The following OTUD3 variants were observed in gnomAD, a reference collection of about 807,000 sequenced individuals.
The protein encoded by OTUD3 is OTU domain-containing protein 3.
In OTUD3, 24 loss-of-function variants were observed where a neutral mutation model predicts 46.2. The ratio of observed to expected loss-of-function variants is 0.52; its 90% CI spans 0.38 to 0.73. The LOEUF (loss-of-function observed/expected upper bound fraction) is 0.73, where lower values mean the gene tolerates loss of function less well. Ranked by LOEUF, OTUD3 falls within the 30% of genes least tolerant of loss-of-function variation. OTUD3 has a pLI of 0.00. For missense variants in OTUD3, 455 were observed against 523.3 expected (o/e 0.87, Z 1.27); for synonymous variants, 189 against 195.4 (o/e 0.97, Z 0.27).
chr1:19,900,673 A>T (rs1455357680), intron 4 of OTUD3, among the ~76,000 whole-genome samples: 1 of 152,174 alleles, frequency 6.6e-6, no homozygotes, highest in African/African-American at 2.4e-5. Flanking sequence ...TCCATATACT[A>T]AATTCCCATA....
intron 1 of OTUD3, among the ~76,000 whole-genome samples, chr1:19,885,985 A>G (rs912657616): frequency 2.0e-5 from 3 of 152,208 alleles, no homozygotes; most frequent in African/African-American, 7.2e-5. Flanking sequence ...ATCCTGTAAT[A>G]CAGCCTTTAC....
intron 7 of OTUD3, 40 bp from the exon 8 acceptor site, chr1:19,907,530 C>A: frequency 6.3e-7 from 1 of 1,598,598 alleles, no homozygotes. Context: ...AGCTTGAGTC[C>A]CCCGTGCTTC....
chr1:19,884,964 TA>T (rs572588119), intron 1 of OTUD3, among the ~76,000 whole-genome samples: 158 of 152,312 alleles, frequency 1.0e-3, no homozygotes, highest in African/African-American at 3.6e-3. Context: ...GTTCATTCGG[TA>T]AATACTCATT....
At chr1:19,904,235 A>C in intron 4 of OTUD3, 32 bp from the exon 5 acceptor site, 1 of 1,541,286 alleles carries the variant, frequency 6.5e-7, no homozygotes, top group Non-Finnish European at 8.8e-7. Context: ...GATTCTCAAC[A>C]TAGTTCCCTG....
intron 1 of OTUD3, among the ~76,000 whole-genome samples, chr1:19,886,988 G>T (rs950030154): frequency 2.5e-4 from 38 of 151,800 alleles, no homozygotes; most frequent in African/African-American, 9.0e-4. Flanking sequence ...ACTAATTTTA[G>T]TATATTTTAT....
In OTUD3 at chr1:19,910,216, A is replaced by G. The variant is rs2045717939; in HGVS notation, c.*2470A>G. The G allele has an allele frequency of 6.6e-6, 1 of 152,318 alleles. No homozygotes were observed. The highest frequency in any genetic ancestry group is 1.5e-5 in the Non-Finnish European group (1 of 68,040). 9.4% of individuals were successfully genotyped at this position (152,318 alleles called of 1,614,324 possible). ...GTACAGGTGCTCCTGTGAACTCTTT[A>G]TTAGGAACTGAATGTGTCTTAACCT... is the stretch of plus-strand genomic sequence containing the variant. On this transcript the variant is annotated 3_prime_UTR_variant, in exon 8 of 8. Coordinates refer to ENST00000375120, the MANE Select transcript of OTUD3 (RefSeq NM_015207.2).
intron 5 of OTUD3, among the ~76,000 whole-genome samples, 162 bp downstream of exon 5, chr1:19,904,560 G>A (rs1237191550): frequency 6.6e-6 from 1 of 152,204 alleles, no homozygotes; most frequent in Non-Finnish European, 1.5e-5. Context: ...AATGAGAGCT[G>A]TTTATTAATT....
At chr1:19,904,003 G>T (rs1355604891) in intron 4 of OTUD3, among the ~76,000 whole-genome samples, 6 of 152,224 alleles carry the variant, frequency 3.9e-5, no homozygotes, top group Admixed American at 2.0e-4. Context: ...GCCAGTGTTG[G>T]CATTTAGACA....
At chr1:19,893,419 C>T (rs566338707) in intron 2 of OTUD3, among the ~76,000 whole-genome samples, 3 of 152,136 alleles carry the variant, frequency 2.0e-5, no homozygotes, top group Non-Finnish European at 2.9e-5. Flanking sequence ...GTTCCAGACA[C>T]GAAGCTTCTG....
At chr1:19,883,907 A>G (rs1305592144) in intron 1 of OTUD3, among the ~76,000 whole-genome samples, 1 of 152,180 alleles carries the variant, frequency 6.6e-6, no homozygotes, top group East Asian at 1.9e-4. Flanking sequence ...GTTTATGCTC[A>G]TTGCTTCAGG....
In OTUD3 at chr1:19,895,205, T is replaced by C. The variant is rs558109249; in HGVS notation, c.483+725T>C. Among the ~76,000 whole-genome samples, 265 of 152,330 alleles carry C rather than the reference T, an allele frequency of 1.7e-3. 2 individuals carry two copies. The highest frequency in any genetic ancestry group is 6.2e-3 in the African/African-American group (258 of 41,570). On this transcript the variant is annotated intron_variant, in intron 3 of 7. Transcript: ENST00000375120. ...ATTAGCATAAAGGTAACAGTGCCCT[T>C]TTTTTCATATGACACCTGCATATAT...
At chr1:19,886,100 C>A (rs2045356410) in intron 1 of OTUD3, among the ~76,000 whole-genome samples, 1 of 152,142 alleles carries the variant, frequency 6.6e-6, no homozygotes, top group Non-Finnish European at 1.5e-5. Context: ...GGAAGGTGGA[C>A]CCACATAAAT....
chr1:19,887,767 A>C (rs2045388092), intron 1 of OTUD3, among the ~76,000 whole-genome samples: 1 of 152,188 alleles, frequency 6.6e-6, no homozygotes, highest in African/African-American at 2.4e-5. Flanking sequence ...ATTGTATTAA[A>C]GCCACATCAT....
Position 19,890,343 on chromosome 1 carries a change from T to C in OTUD3, c.222-42T>C, listed in dbSNP as rs781628624. 2.8e-5 allele frequency: 45 copies of C among 1,597,594 alleles called. No individual in the cohort carries two copies. In the South Asian group the frequency reaches 4.5e-4, roughly 16 times the overall value. On this transcript the variant is annotated intron_variant, in intron 1 of 7. Coordinates refer to ENST00000375120, the MANE Select transcript of OTUD3 (RefSeq NM_015207.2). ...GCATCATTGTTTTAGACGAACTAAG[T>C]TCATTTTTGAAAGGTCTTGACTCGT...
At chr1:19,906,319 T>TA (rs1454951532) in intron 6 of OTUD3, 113 bp from the exon 7 acceptor site, 2 of 860,824 alleles carry the variant, frequency 2.3e-6, no homozygotes, top group Non-Finnish European at 1.7e-6. Flanking sequence ...CAAGGAAACT[T>TA]ACTTCCCTTA....
intron 4 of OTUD3, among the ~76,000 whole-genome samples, chr1:19,899,076 G>T (rs1175375070): frequency 1.3e-5 from 2 of 152,176 alleles, no homozygotes; most frequent in African/African-American, 2.4e-5. Flanking sequence ...CTTCCAACAT[G>T]TTGGGATTAC....
At chr1:19,887,931 G>T (rs2045390956) in intron 1 of OTUD3, among the ~76,000 whole-genome samples, 1 of 152,168 alleles carries the variant, frequency 6.6e-6, no homozygotes, top group Non-Finnish European at 1.5e-5. Flanking sequence ...TGGTGCGTGT[G>T]TTGCAATATT....
At chr1:19,899,906 A>T (rs2045563204) in intron 4 of OTUD3, among the ~76,000 whole-genome samples, 1 of 150,936 alleles carries the variant, frequency 6.6e-6, no homozygotes, top group South Asian at 2.1e-4. Flanking sequence ...TTCTTTCTCC[A>T]TTTTTTTCCT....
chr1:19,904,253 CT>C lies in OTUD3; in HGVS notation c.607-12del, dbSNP rs751316128. On this transcript the variant is annotated splice_polypyrimidine_tract_variant and intron_variant, in intron 4 of 7. Coordinates refer to ENST00000375120, the MANE Select transcript of OTUD3 (RefSeq NM_015207.2). ...TCTCAACATAGTTCCCTGATTATTA[CT>C]TGTTTCCTTTAGTTTCAGATGCTTC... 10 of 1,579,860 alleles carry C rather than the reference CT, an allele frequency of 6.3e-6. No individual in the cohort carries two copies. In the East Asian group the frequency reaches 2.2e-4, roughly 35 times the overall value.
Sources: gnomAD v4.1 joint callset for allele counts (sites outside exome capture counted in the v4.1 genomes callset) on GRCh38, gnomAD v4.1.1 for gene constraint, MANE v1.5 for transcripts, NCBI Gene and HGNC (gene_info 2026-07-23, HGNC 2026-07-21) for gene names.